Variants in PDS5A observed in about 807,000 individuals in gnomAD.
PDS5A encodes PDS5 cohesin associated factor A, also known as sister chromatid cohesion protein PDS5 homolog A.
PDS5A carries 42 observed loss-of-function variants against 167.1 expected under a neutral mutation model. That is an observed-to-expected ratio of 0.25 (90% CI 0.20 to 0.33). The LOEUF (loss-of-function observed/expected upper bound fraction) is 0.33. PDS5A is among the 10% of genes least tolerant of loss of function. PDS5A has a pLI of 1.00. For missense variants in PDS5A, 1,033 were observed against 1,605.9 expected (o/e 0.64, Z 6.10); for synonymous variants, 553 against 554.6 (o/e 1.00, Z 0.04).
intron 2 of PDS5A, chr4:39,933,537 T>C (rs1204364287): frequency 6.6e-6 from 1 of 151,978 alleles, no homozygotes; most frequent in Middle Eastern, 3.2e-3. Flanking sequence ...TTGCACTTGA[T>C]ATTGCACTAG....
intron 9 of PDS5A, among the ~76,000 whole-genome samples, chr4:39,913,089 C>CT (rs57878074): frequency 0.011 from 1,633 of 143,852 alleles, 33 homozygotes; most frequent in African/African-American, 0.039. Context: ...TAATGACTTT[C>CT]TTTTTTTTTT....
rs1715069363 is a variant in PDS5A at position 39,824,103 on chromosome 4, AC to A, written c.*1381del. On this transcript the variant is annotated 3_prime_UTR_variant, in exon 33 of 33. Coordinates refer to ENST00000303538, the MANE Select transcript of PDS5A (RefSeq NM_001100399.2). ...CAGTGGACAGTGGGGGCAGGATAGA[AC>A]TCTGGACATGAGAAAAGACAAATTT... 1 of 152,136 alleles carries A rather than the reference AC, an allele frequency of 6.6e-6. No homozygotes were observed. Among genetic ancestry groups the A allele is most frequent in the African/African-American group, 2.4e-5 (1 of 41,416 alleles). 9.4% of individuals were successfully genotyped at this position (152,136 alleles called of 1,614,324 possible). A position where few individuals can be genotyped will look rare whatever the true frequency, so the allele number is the denominator to read the frequency against.
Position 39,977,289 on chromosome 4 carries a change from T to C in PDS5A, c.-41+168A>G, listed in dbSNP as rs1027535642. Among the ~76,000 whole-genome samples the C allele has an allele frequency of 6.6e-5, 10 of 151,900 alleles. No individual in the cohort carries two copies. The highest frequency in any genetic ancestry group is 1.5e-4 in the Non-Finnish European group (10 of 67,940). On this transcript the variant is annotated intron_variant, in intron 1 of 32. Coordinates refer to ENST00000303538, the MANE Select transcript of PDS5A (RefSeq NM_001100399.2). The surrounding 1 kb of genome is among the most constrained non-coding windows in gnomAD (Gnocchi z 4.2). ...TCAACTTCGGCTGAGGGACCCCAGC[T>C]GCTTCTCTGGCCCCCGGCCGCTTGG... is the stretch of plus-strand genomic sequence containing the variant.
At chr4:39,837,661 A>G in intron 32 of PDS5A, 195 bp downstream of exon 32, 1 of 491,310 alleles carries the variant, frequency 2.0e-6, no homozygotes, top group Non-Finnish European at 3.5e-6. Context: ...AAGAAAAAAG[A>G]TTTTTCTTCA....
intron 8 of PDS5A, among the ~76,000 whole-genome samples, chr4:39,915,979 A>C (rs1560480283): frequency 6.6e-6 from 1 of 152,164 alleles, no homozygotes; most frequent in Non-Finnish European, 1.5e-5. Flanking sequence ...TCATGCCTGT[A>C]ATCTCAGTAA....
rs566615539 is a variant in PDS5A at position 39,961,182 on chromosome 4, T to C, written c.138+15258A>G. Among the ~76,000 whole-genome samples, 8 of 152,212 alleles carry C rather than the reference T, an allele frequency of 5.3e-5. No individual in the cohort carries two copies. In the South Asian group the frequency reaches 6.2e-4, roughly 12 times the overall value. The stretch of plus-strand genomic sequence containing the variant: ...TCATATATTGTAACGAACTGTAGAA[T>C]TGATCCCTGAAAAGTATAATCTTGG... On this transcript the variant is annotated intron_variant, in intron 2 of 32. Coordinates refer to ENST00000303538, the MANE Select transcript of PDS5A (RefSeq NM_001100399.2).
chr4:39,827,314 C>T (rs915896953), intron 32 of PDS5A, among the ~76,000 whole-genome samples: 1 of 152,082 alleles, frequency 6.6e-6, no homozygotes, highest in Non-Finnish European at 1.5e-5. Flanking sequence ...TATTTACAAG[C>T]TGCCTGCTAC....
At chr4:39,863,950 G>T (rs985814560) in intron 23 of PDS5A, among the ~76,000 whole-genome samples, 1 of 152,048 alleles carries the variant, frequency 6.6e-6, no homozygotes, top group Non-Finnish European at 1.5e-5. Flanking sequence ...CCAACATGGT[G>T]AAACCCTGTT....
chr4:39,892,956 A>T (rs1167443811), intron 16 of PDS5A, among the ~76,000 whole-genome samples: 3 of 152,228 alleles, frequency 2.0e-5, no homozygotes, highest in Non-Finnish European at 1.5e-5. Flanking sequence ...ATAAAATTTC[A>T]TTTTACATTA....
intron 6 of PDS5A, among the ~76,000 whole-genome samples, chr4:39,921,824 T>A (rs184951349): frequency 1.1e-4 from 17 of 152,304 alleles, no homozygotes; most frequent in African/African-American, 4.1e-4. Context: ...CAAAATATAC[T>A]CTCCTTTGCC....
At chr4:39,945,256 C>T (rs1035997251) in intron 2 of PDS5A, among the ~76,000 whole-genome samples, 1 of 151,650 alleles carries the variant, frequency 6.6e-6, no homozygotes, top group Non-Finnish European at 1.5e-5. Context: ...GTCAGGAGAT[C>T]GAGACCATCC....
chr4:39,841,513 A>ATTT (rs879278110), intron 31 of PDS5A, among the ~76,000 whole-genome samples: 2 of 142,668 alleles, frequency 1.4e-5, no homozygotes, highest in African/African-American at 2.6e-5. Context: ...GACCACACAA[A>ATTT]TTTTTTTTTT....
At chr4:39,959,617 C>G (rs905377782) in intron 2 of PDS5A, among the ~76,000 whole-genome samples, 1 of 151,954 alleles carries the variant, frequency 6.6e-6, no homozygotes, top group East Asian at 1.9e-4. Flanking sequence ...GGATCACAGG[C>G]GTGAGCCACC....
chr4:39,825,147 A>C lies in PDS5A; in HGVS notation c.*338T>G, dbSNP rs1578551148. On this transcript the variant is annotated 3_prime_UTR_variant, in exon 33 of 33. Coordinates refer to ENST00000303538, the MANE Select transcript of PDS5A (RefSeq NM_001100399.2). ...AATAAAAACTGCAGCGTGGAAATTA[A>C]TGGTGTATTACGCATTTAAACTCCA... 4.3e-6 allele frequency: 1 copy of C among 232,676 alleles called. No individual in the cohort carries two copies. The highest frequency in any genetic ancestry group is 8.1e-5 in the East Asian group (1 of 12,292). 14.4% of individuals were successfully genotyped at this position (232,676 alleles called of 1,614,324 possible).
intron 32 of PDS5A, among the ~76,000 whole-genome samples, chr4:39,836,665 T>C (rs1207656372): frequency 1.4e-5 from 2 of 146,982 alleles, no homozygotes; most frequent in African/African-American, 2.5e-5. Flanking sequence ...GGTTTCACCA[T>C]GTTGGCCACG....
At chr4:39,906,371 C>CA (rs1264103030) in intron 11 of PDS5A, among the ~76,000 whole-genome samples, 215 of 133,574 alleles carry the variant, frequency 1.6e-3, no homozygotes, top group South Asian at 1.9e-3. Context: ...CTGTCTCAAA[C>CA]AAAAAAAAAA....
chr4:39,922,827 G>A lies in PDS5A; in HGVS notation c.528-79C>T, dbSNP rs1170233785. The A allele has an allele frequency of 1.1e-5, 15 of 1,329,854 alleles. No individual in the cohort carries two copies. In the Admixed American group the frequency reaches 1.5e-4, roughly 14 times the overall value. 82.4% of individuals were successfully genotyped at this position (1,329,854 alleles called of 1,614,324 possible). On this transcript the variant is annotated intron_variant, in intron 5 of 32. Coordinates refer to ENST00000303538, the MANE Select transcript of PDS5A (RefSeq NM_001100399.2). ...TCAAGCTTCTAATAGGAAATTAAACGTCCTAGTTTAAAACAACAATCTCAC... is the reference window on the plus strand; with the variant it reads ...TCAAGCTTCTAATAGGAAATTAAACATCCTAGTTTAAAACAACAATCTCAC...
At chr4:39,920,181 T>C (rs1185848531) in intron 7 of PDS5A, 138 bp downstream of exon 7, 3 of 405,244 alleles carry the variant, frequency 7.4e-6, no homozygotes, top group African/African-American at 6.3e-5. Flanking sequence ...GCTGCATTTC[T>C]CTAACCCTGG....
chr4:39,912,493 T>G (rs1048927538), intron 9 of PDS5A, among the ~76,000 whole-genome samples: 2 of 152,226 alleles, frequency 1.3e-5, no homozygotes, highest in Non-Finnish European at 2.9e-5. Flanking sequence ...TTTATTCCTA[T>G]AAGACCTTCA....
Sources: gnomAD v4.1 joint callset for allele counts (sites outside exome capture counted in the v4.1 genomes callset) on GRCh38, gnomAD v4.1.1 for gene constraint, Gnocchi (gnomAD v3.1) non-coding constraint, MANE v1.5 for transcripts, NCBI Gene and HGNC (gene_info 2026-07-23, HGNC 2026-07-21) for gene names.